Variants in PCDHGA4 observed in about 807,000 individuals in gnomAD.
PCDHGA4 encodes protocadherin gamma-A4.
PCDHGA4 carries 38 observed loss-of-function variants against 54.6 expected under a neutral mutation model. The observed-to-expected ratio is 0.70, with a 90% CI of 0.54 to 0.91. PCDHGA4 has a LOEUF of 0.91. PCDHGA4 is among the 40% of genes least tolerant of loss of function. The probability of loss-of-function intolerance (pLI) is 0.00; values close to 1 mark genes in which losing one functional copy is unlikely to be tolerated. For synonymous variants in PCDHGA4, 511 were observed against 512.9 expected (o/e 1.00, Z 0.05); for missense variants, 1,298 against 1,220.9 (o/e 1.06, Z -0.94).
chr5:141,423,494 A>C lies in PCDHGA4; in HGVS notation c.2514+65873A>C, dbSNP rs753859784. ...CAGGCTTTCCTGCAAACCTATTCCCACGAGGTCTCTCTCATTGCGGACTCG... is the reference window on the plus strand; with the variant it reads ...CAGGCTTTCCTGCAAACCTATTCCCCCGAGGTCTCTCTCATTGCGGACTCG... On this transcript the variant is annotated intron_variant, in intron 1 of 3. Transcript: ENST00000571252. The C allele has an allele frequency of 3.8e-5, 61 of 1,613,842 alleles. No individual in the cohort carries two copies. The highest frequency in any genetic ancestry group is 5.9e-6 in the Non-Finnish European group (7 of 1,179,940).
chr5:141,510,791 A>C (rs1244085822), intron 3 of PCDHGA4, 156 bp from the exon 4 acceptor site: 1 of 929,250 alleles, frequency 1.1e-6, no homozygotes, highest in Non-Finnish European at 1.3e-6. Context: ...AACTCTTGTG[A>C]AGAGAGACTA....
At chr5:141,394,256 C>G in intron 1 of PCDHGA4, 1 of 1,613,942 alleles carries the variant, frequency 6.2e-7, no homozygotes, top group Non-Finnish European at 8.5e-7. Flanking sequence ...ACCCCGACAG[C>G]CAGGAGAATG....
At chr5:141,389,537 C>T in intron 1 of PCDHGA4, 2 of 1,613,216 alleles carry the variant, frequency 1.2e-6, no homozygotes, top group Non-Finnish European at 8.5e-7. Context: ...TGTTAGTGGA[C>T]GACCGCAACG....
At chr5:141,408,712 T>G in intron 1 of PCDHGA4, 1 of 1,612,332 alleles carries the variant, frequency 6.2e-7, no homozygotes, top group Non-Finnish European at 8.5e-7. Flanking sequence ...TTAAAGATTA[T>G]AAGATAAACT....
At chr5:141,374,865 T>C (rs759726307) in intron 1 of PCDHGA4, 2 of 1,613,676 alleles carry the variant, frequency 1.2e-6, no homozygotes, top group African/African-American at 1.3e-5. Flanking sequence ...GGCACACCAG[T>C]GTTGGCAGTG....
intron 1 of PCDHGA4, chr5:141,370,419 G>C (rs1219315187): frequency 3.8e-6 from 6 of 1,572,938 alleles, no homozygotes; most frequent in African/African-American, 1.4e-5. Context: ...CGGATGGAGG[G>C]GCCCAGCAGG....
intron 1 of PCDHGA4, among the ~76,000 whole-genome samples, chr5:141,447,143 T>G (rs1484774611): frequency 2.6e-5 from 4 of 152,132 alleles, no homozygotes; most frequent in Admixed American, 6.6e-5. Flanking sequence ...TTGTTTTTTG[T>G]TTTTGTTTTT....
At chr5:141,370,569 G>A (rs761678477) in intron 1 of PCDHGA4, 4 of 1,613,946 alleles carry the variant, frequency 2.5e-6, no homozygotes, top group Middle Eastern at 1.6e-4. Flanking sequence ...GTTTGGCGTG[G>A]GGGATTTACC....
chr5:141,383,168 T>C, intron 1 of PCDHGA4: 1 of 1,614,096 alleles, frequency 6.2e-7, no homozygotes. Flanking sequence ...GCGGGCAGGA[T>C]AGACCGGGAA....
chr5:141,405,016 C>G (rs538744733), intron 1 of PCDHGA4: 1 of 1,613,888 alleles, frequency 6.2e-7, no homozygotes. Flanking sequence ...AGGCCTCAGA[C>G]CTTACCCTCT....
In PCDHGA4 at chr5:141,355,788, G is replaced by A; in HGVS notation, c.681G>A (p.Leu227=). 6.2e-7 allele frequency: 1 copy of A among 1,613,646 alleles called. No individual in the cohort carries two copies. The highest frequency in any genetic ancestry group is 8.5e-7 in the Non-Finnish European group (1 of 1,179,730). The change falls in exon 1 of 4, where the codon CTG becomes CTA. Residue 227 remains leucine, a synonymous_variant. Transcript: ENST00000571252. ...GGATTAAGTACCCAGAGCTGGTGCT[G>A]GAACGCGCTCTAGATCGCGAGGAAG... ...ADGIKYPELV[L]ERALDREEEA...
At chr5:141,415,656 T>C (rs1211470385) in intron 1 of PCDHGA4, 9 of 1,585,542 alleles carry the variant, frequency 5.7e-6, no homozygotes, top group African/African-American at 1.4e-5. Flanking sequence ...AAAAAAAGAT[T>C]GGTTTTTACT....
At chr5:141,383,981 C>T in intron 1 of PCDHGA4, 3 of 1,613,792 alleles carry the variant, frequency 1.9e-6, no homozygotes, top group Non-Finnish European at 2.5e-6. Context: ...GAAGACACAC[C>T]TCTTGGGACA....
chr5:141,362,471 A>T (rs1762524993), intron 1 of PCDHGA4: 6 of 1,614,018 alleles, frequency 3.7e-6, no homozygotes, highest in Non-Finnish European at 5.1e-6. Context: ...CCCGCGCAAG[A>T]TCTCGTCTGT....
rs754462129 is a variant in PCDHGA4, at chr5:141,490,693, G to T, written c.2515-4114G>T. 6.2e-7 allele frequency: 1 copy of T among 1,614,170 alleles called. No homozygotes were observed. Among genetic ancestry groups the T allele is most frequent in the South Asian group, 1.1e-5 (1 of 91,072 alleles). On this transcript the variant is annotated intron_variant, in intron 1 of 3. Transcript: ENST00000571252. This position sits in a 1 kb window ranked among gnomAD's most constrained non-coding sequence, Gnocchi z 5.4. Reference sequence around the variant, plus strand: ...GGCTGCCTCAGATCCAGACACTGGGGATAATGCCCGCCTCACCTACTCCAT... The same window carrying T: ...GGCTGCCTCAGATCCAGACACTGGGTATAATGCCCGCCTCACCTACTCCAT...
intron 1 of PCDHGA4, among the ~76,000 whole-genome samples, chr5:141,402,262 TA>T (rs1248031439): frequency 6.6e-6 from 1 of 151,912 alleles, no homozygotes; most frequent in Non-Finnish European, 1.5e-5. Context: ...CCCCAGAAAA[TA>T]ATTTCAAAGT....
Position 141,432,038 on chromosome 5 carries a change from C to G in PCDHGA4, c.2515-62769C>G, listed in dbSNP as rs202246871. ...CAACATCACAGTGACCGCCACTGAC[C>G]GGGGAACCCCGCCCCTATCCACGGA... On this transcript the variant is annotated intron_variant, in intron 1 of 3. Transcript: ENST00000571252. This position sits in a 1 kb window ranked among gnomAD's most constrained non-coding sequence, Gnocchi z 6.0. 2 of 1,614,190 alleles carry G rather than the reference C, an allele frequency of 1.2e-6. No homozygotes were observed. The highest frequency in any genetic ancestry group is 8.5e-7 in the Non-Finnish European group (1 of 1,180,032).
intron 1 of PCDHGA4, chr5:141,367,871 A>G (rs2149916351): frequency 6.6e-6 from 1 of 152,278 alleles, no homozygotes; most frequent in South Asian, 2.1e-4. Flanking sequence ...GTGTAGGTGC[A>G]ATTCTTCTTT....
intron 1 of PCDHGA4, chr5:141,404,954 A>C: frequency 6.2e-7 from 1 of 1,613,952 alleles, no homozygotes; most frequent in Non-Finnish European, 8.5e-7. Flanking sequence ...AGCTGACAGC[A>C]TCCCAGACAT....
Sources: gnomAD v4.1 joint callset for allele counts (sites outside exome capture counted in the v4.1 genomes callset) on GRCh38, gnomAD v4.1.1 for gene constraint, Gnocchi (gnomAD v3.1) non-coding constraint, MANE v1.5 for transcripts, NCBI Gene and HGNC (gene_info 2026-07-23, HGNC 2026-07-21) for gene names.